Variants in GRID1 observed in about 807,000 individuals in gnomAD.
GRID1 encodes glutamate receptor ionotropic, delta-1.
GRID1 carries 28 observed loss-of-function variants against 98.0 expected under a neutral mutation model. The observed-to-expected ratio is 0.29, with a 90% CI of 0.21 to 0.39. The LOEUF (loss-of-function observed/expected upper bound fraction) is 0.39, where lower values mean the gene tolerates loss of function less well. Ranked by LOEUF, GRID1 falls within the 10% of genes least tolerant of loss-of-function variation. The probability of loss-of-function intolerance (pLI) is 1.00; values close to 1 mark genes in which losing one functional copy is unlikely to be tolerated. For synonymous variants in GRID1, 553 were observed against 538.5 expected, an observed-to-expected ratio of 1.03 and a Z score of -0.37; for missense variants, 1,111 against 1,340.5, an observed-to-expected ratio of 0.83 and a Z score of 2.67.
intron 2 of GRID1, among the ~76,000 whole-genome samples, chr10:86,348,709 G>T (rs1848423391): frequency 6.6e-6 from 1 of 152,256 alleles, no homozygotes; most frequent in East Asian, 1.9e-4. Context: ...GGCCAAGGCA[G>T]AGCCACATGC....
chr10:85,687,302 C>A (rs568113315), intron 12 of GRID1, among the ~76,000 whole-genome samples: 1 of 152,152 alleles, frequency 6.6e-6, no homozygotes, highest in Admixed American at 6.5e-5. Context: ...CTATTTTATT[C>A]TCTAGATTAC....
At chr10:86,067,887 CCT>C (rs1426332240) in intron 4 of GRID1, among the ~76,000 whole-genome samples, 1 of 152,342 alleles carries the variant, frequency 6.6e-6, no homozygotes, top group African/African-American at 2.4e-5. Flanking sequence ...AGCTTCCTCC[CCT>C]GCCCCATCCT....
chr10:86,108,990 C>A (rs932885247), intron 4 of GRID1, among the ~76,000 whole-genome samples: 19 of 152,198 alleles, frequency 1.2e-4, no homozygotes, highest in African/African-American at 4.6e-4. Context: ...TCACTGAGTT[C>A]TCACTGCAGC....
intron 4 of GRID1, among the ~76,000 whole-genome samples, chr10:85,991,276 G>A (rs541516099): frequency 7.9e-5 from 12 of 152,340 alleles, no homozygotes; most frequent in African/African-American, 2.2e-4. Context: ...CAAGCAACCA[G>A]CTGCCTGTAG....
intron 4 of GRID1, among the ~76,000 whole-genome samples, chr10:85,968,707 A>G (rs1451190959): frequency 6.6e-6 from 1 of 152,186 alleles, no homozygotes; most frequent in Non-Finnish European, 1.5e-5. Context: ...AAATATATAC[A>G]GAAAAAGAAA....
chr10:86,333,845 AAG>A (rs1848185219), intron 2 of GRID1, among the ~76,000 whole-genome samples: 1 of 152,186 alleles, frequency 6.6e-6, no homozygotes, highest in South Asian at 2.1e-4. Flanking sequence ...GGGGAGGAAT[AAG>A]AGGGGCTGGT....
chr10:86,242,637 G>A (rs916335701), intron 2 of GRID1, among the ~76,000 whole-genome samples: 3 of 152,176 alleles, frequency 2.0e-5, no homozygotes, highest in Non-Finnish European at 4.4e-5. Context: ...TGGCCAAGCT[G>A]GAGCCCCTGC....
chr10:85,673,832 G>A (rs1016312168), intron 12 of GRID1, among the ~76,000 whole-genome samples: 6 of 151,508 alleles, frequency 4.0e-5, no homozygotes, highest in East Asian at 1.9e-4. Context: ...CACTCTTCTC[G>A]ATTAATAGAT....
At chr10:85,914,339 C>T (rs1364675182) in intron 5 of GRID1, among the ~76,000 whole-genome samples, 1 of 152,160 alleles carries the variant, frequency 6.6e-6, no homozygotes, top group Admixed American at 6.5e-5. Context: ...AAAAGTAAAA[C>T]CAGCATCAGA....
chr10:85,947,027 T>C (rs934525397), intron 4 of GRID1, among the ~76,000 whole-genome samples: 1 of 152,070 alleles, frequency 6.6e-6, no homozygotes, highest in African/African-American at 2.4e-5. Context: ...GTGATGACAA[T>C]GAACCAGGGC....
At chr10:86,162,206 G>A (rs138676836) in intron 3 of GRID1, among the ~76,000 whole-genome samples, 2 of 152,264 alleles carry the variant, frequency 1.3e-5, no homozygotes, top group African/African-American at 2.4e-5. Context: ...TGGGTGGGTG[G>A]TGTCCCAGGC....
chr10:86,243,291 G>T (rs1322388196), intron 2 of GRID1, among the ~76,000 whole-genome samples: 1 of 152,162 alleles, frequency 6.6e-6, no homozygotes, highest in African/African-American at 2.4e-5. Context: ...GGTCTCCTCT[G>T]GGGGAGGACA....
chr10:85,725,944 G>A (rs999129805), intron 10 of GRID1, among the ~76,000 whole-genome samples: 2 of 152,190 alleles, frequency 1.3e-5, no homozygotes, highest in African/African-American at 4.8e-5. Context: ...AGGAAAGTTT[G>A]GAGCATATTT....
intron 3 of GRID1, among the ~76,000 whole-genome samples, chr10:86,139,833 T>C (rs986039382): frequency 3.9e-5 from 6 of 152,182 alleles, no homozygotes; most frequent in African/African-American, 1.4e-4. Flanking sequence ...TGGAAGCCAA[T>C]ATAGTTGCAC....
At chr10:85,872,028 A>G (rs73342511) in intron 5 of GRID1, among the ~76,000 whole-genome samples, 2,384 of 152,246 alleles carry the variant, frequency 0.016, 72 homozygotes, top group African/African-American at 0.054. Context: ...GGACTACCAG[A>G]TGGAATGGGC....
At chr10:86,137,917 A>C (rs1844952291) in intron 4 of GRID1, among the ~76,000 whole-genome samples, 1 of 152,232 alleles carries the variant, frequency 6.6e-6, no homozygotes, top group African/African-American at 2.4e-5. Context: ...AGCAAAGTAC[A>C]TCAAATGGAA....
intron 3 of GRID1, among the ~76,000 whole-genome samples, chr10:86,161,697 T>C (rs561395976): frequency 6.6e-6 from 1 of 152,164 alleles, no homozygotes; most frequent in African/African-American, 2.4e-5. Flanking sequence ...TCACCCTGGT[T>C]CTGGGCAGGG....
chr10:85,968,467 A>G lies in GRID1; in HGVS notation c.727-52228T>C, dbSNP rs1031397215. 5.3e-3 allele frequency among the ~76,000 whole-genome samples: 799 copies of G among 151,652 alleles called. 7 individuals carry two copies. The highest frequency in any genetic ancestry group is 0.018 in the African/African-American group (748 of 41,384). On this transcript the variant is annotated intron_variant, in intron 4 of 15. Coordinates refer to ENST00000327946, the MANE Select transcript of GRID1 (RefSeq NM_017551.3). ...CTCTGTCTCAAAAAAAAAAAAAAAA[A>G]AAAGACAACTGCCTGTAATAACACT...
intron 8 of GRID1, among the ~76,000 whole-genome samples, chr10:85,850,238 G>A (rs994985599): frequency 6.6e-6 from 1 of 152,224 alleles, no homozygotes; most frequent in Non-Finnish European, 1.5e-5. Context: ...CATTAGGATG[G>A]AGAAAGGCGA....
Sources: allele counts gnomAD v4.1 joint callset (sites outside exome capture counted in the v4.1 genomes callset), GRCh38; gene constraint gnomAD v4.1.1; transcripts MANE v1.5; gene names NCBI Gene and HGNC (gene_info 2026-07-23, HGNC 2026-07-21).